The following USP48 variants were observed in gnomAD, a reference collection of about 807,000 sequenced individuals.
USP48 encodes the protein ubiquitin specific peptidase 48.
A neutral mutation model predicts 150.7 loss-of-function variants in USP48; 43 were observed. That is an observed-to-expected ratio of 0.29 (90% CI 0.22 to 0.37). USP48 has a LOEUF of 0.37. Among genes scored for constraint, USP48 ranks in the 10% least tolerant of loss-of-function variants. The pLI is 1.00. For missense variants in USP48, 813 were observed against 1,249.6 expected (o/e 0.65, Z 5.27); for synonymous variants, 396 against 425.9 (o/e 0.93, Z 0.86).
chr1:21,719,352 A>C (rs2097713487), intron 14 of USP48, among the ~76,000 whole-genome samples: 1 of 152,156 alleles, frequency 6.6e-6, no homozygotes, highest in African/African-American at 2.4e-5. Flanking sequence ...TGAAAATGTT[A>C]ATCACAGCTC....
chr1:21,755,707 C>A (rs1378636585), intron 3 of USP48, among the ~76,000 whole-genome samples: 2 of 152,058 alleles, frequency 1.3e-5, no homozygotes, highest in Admixed American at 1.3e-4. Flanking sequence ...AAATATTACT[C>A]CTTGGGGTGC....
intron 3 of USP48, among the ~76,000 whole-genome samples, chr1:21,754,952 T>C (rs1259822961): frequency 6.6e-6 from 1 of 152,150 alleles, no homozygotes; most frequent in African/African-American, 2.4e-5. Flanking sequence ...GCCTGGGCCA[T>C]GGGGGTGACA....
At chr1:21,779,400 A>T (rs1368513938) in intron 1 of USP48, among the ~76,000 whole-genome samples, 2 of 151,958 alleles carry the variant, frequency 1.3e-5, no homozygotes, top group Non-Finnish European at 2.9e-5. Flanking sequence ...ACAAAAAATT[A>T]GCCGGGTGTG....
rs1291371740 is a variant in USP48, at chr1:21,722,281, TACC to T, written c.1649-520_1649-518del. ...GAACAGTGGCAGGTATAGTGGCTCA[TACC>T]ACCAAGAGCTTTGGGAAGCCAAGCA... On this transcript the variant is annotated intron_variant, in intron 12 of 26. Transcript: ENST00000308271. Among the ~76,000 whole-genome samples, 3 of 151,942 alleles carry T rather than the reference TACC, an allele frequency of 2.0e-5. No homozygotes were observed. In the East Asian group the frequency reaches 5.8e-4, roughly 29 times the overall value.
intron 8 of USP48, among the ~76,000 whole-genome samples, chr1:21,740,233 G>A (rs144896590): frequency 0.02 from 3,104 of 152,236 alleles, 41 homozygotes; most frequent in Middle Eastern, 0.048. Flanking sequence ...TTCTGAGCCC[G>A]GCTTGTTTCA....
intron 11 of USP48, among the ~76,000 whole-genome samples, chr1:21,725,753 C>A (rs115765896): frequency 2.9e-4 from 42 of 146,300 alleles, no homozygotes; most frequent in Admixed American, 2.7e-4. Flanking sequence ...AATTCCATCT[C>A]AAAAAAAAAA....
intron 1 of USP48, among the ~76,000 whole-genome samples, chr1:21,763,988 CT>C (rs1298826573): frequency 2.0e-5 from 3 of 152,204 alleles, no homozygotes; most frequent in African/African-American, 4.8e-5. Context: ...TCCAATGCCC[CT>C]AACTCCATTT....
At chr1:21,732,577 T>C (rs1372147824) in intron 9 of USP48, 2 of 206,154 alleles carry the variant, frequency 9.7e-6, no homozygotes, top group Non-Finnish European at 2.1e-5. Context: ...TTATCAATTA[T>C]GTAGTAATAT....
At chr1:21,691,768 T>C (rs1303540214) in intron 23 of USP48, among the ~76,000 whole-genome samples, 1 of 152,204 alleles carries the variant, frequency 6.6e-6, no homozygotes, top group African/African-American at 2.4e-5. Context: ...AAGAAGAAGT[T>C]GGGCTCAGAC....
intron 11 of USP48, chr1:21,726,583 C>T (rs935127000): frequency 6.6e-6 from 1 of 152,194 alleles, no homozygotes; most frequent in African/African-American, 2.4e-5. Flanking sequence ...TCTTTCTTTC[C>T]ATTTTCAGTC....
At chr1:21,764,631 G>C (rs937935028) in intron 1 of USP48, among the ~76,000 whole-genome samples, 5 of 151,410 alleles carry the variant, frequency 3.3e-5, no homozygotes, top group Non-Finnish European at 7.4e-5. Context: ...GCTTGAACCC[G>C]GGAGGCGGAG....
chr1:21,730,722 C>T (rs1460256584), intron 9 of USP48, among the ~76,000 whole-genome samples: 2 of 150,914 alleles, frequency 1.3e-5, no homozygotes, highest in African/African-American at 4.9e-5. Flanking sequence ...GATGCAATCA[C>T]TAAAGGGAAT....
At position 21,679,258 on chromosome 1, in the gene USP48, CAT is replaced by C. The variant is rs2097558867; in HGVS notation, c.*157_*158del. The stretch of plus-strand genomic sequence containing the variant: ...CATCAGTGCAATCTGCTTTATTTGA[CAT>C]AAGGCATTTGGGACAGTCACGTTTG... On this transcript the variant is annotated 3_prime_UTR_variant, in exon 27 of 27. Coordinates refer to ENST00000308271, the MANE Select transcript of USP48 (RefSeq NM_032236.8). 1 of 687,182 alleles carries C rather than the reference CAT, an allele frequency of 1.5e-6. No homozygotes were observed. Among genetic ancestry groups the C allele is most frequent in the African/African-American group, 1.9e-5 (1 of 52,254 alleles). The allele number at this position is 687,182 out of a possible 1,614,324, so 42.6% of individuals were successfully genotyped here.
chr1:21,708,309 G>A (rs898890096), intron 15 of USP48, among the ~76,000 whole-genome samples: 1 of 151,708 alleles, frequency 6.6e-6, no homozygotes, highest in South Asian at 2.1e-4. Flanking sequence ...AACCAGCCTG[G>A]CCAACATGGC....
chr1:21,755,160 T>C (rs953612611), intron 3 of USP48, among the ~76,000 whole-genome samples: 2 of 152,212 alleles, frequency 1.3e-5, no homozygotes, highest in African/African-American at 2.4e-5. Flanking sequence ...AACTGGACTA[T>C]ATTTATCTCC....
intron 9 of USP48, among the ~76,000 whole-genome samples, chr1:21,733,060 C>G (rs973997560): frequency 6.6e-6 from 1 of 152,152 alleles, no homozygotes; most frequent in African/African-American, 2.4e-5. Flanking sequence ...TGTACTGTCA[C>G]AGGGAATTAA....
Position 21,752,577 on chromosome 1 carries a change from C to A in USP48, c.615G>T (p.Val205=). 6.2e-7 allele frequency: 1 copy of A among 1,613,418 alleles called. No individual in the cohort carries two copies. The highest frequency in any genetic ancestry group is 8.5e-7 in the Non-Finnish European group (1 of 1,179,878). Residue 205 remains valine, a synonymous_variant, in exon 5 of 27, where the codon GTG becomes GTT. Coordinates refer to ENST00000308271, the MANE Select transcript of USP48 (RefSeq NM_032236.8). ...DTLSKQKNPD[V]RNIVQQQFCG... ...AGAACTGCTGTTGAACAATATTGCGCACATCTGGATTCTTTTGTTTAGACA... is the reference window on the plus strand; with the variant it reads ...AGAACTGCTGTTGAACAATATTGCGAACATCTGGATTCTTTTGTTTAGACA...
At position 21,689,961 on chromosome 1, in the gene USP48, G is replaced by T; in HGVS notation, c.3009+13C>A. 1 of 1,613,304 alleles carries T rather than the reference G, an allele frequency of 6.2e-7. No homozygotes were observed. Among genetic ancestry groups the T allele is most frequent in the Non-Finnish European group, 8.5e-7 (1 of 1,179,634 alleles). On this transcript the variant is annotated intron_variant, in intron 24 of 26. Transcript: ENST00000308271. ...AAACCTTGAGTTCTTCAGCTAAGGA[G>T]CTGTTTACTTACCTTCAATAAAATG...
At chr1:21,733,801 CT>C (rs1310519788) in intron 9 of USP48, among the ~76,000 whole-genome samples, 2 of 148,342 alleles carry the variant, frequency 1.3e-5, no homozygotes. Context: ...TTTTTTTTTT[CT>C]TTTTTTTCAG....
Sources: allele counts gnomAD v4.1 joint callset (sites outside exome capture counted in the v4.1 genomes callset), GRCh38; gene constraint gnomAD v4.1.1; transcripts MANE v1.5; gene names NCBI Gene and HGNC (gene_info 2026-07-23, HGNC 2026-07-21).